Variants in PPFIBP1 observed in about 807,000 individuals in gnomAD.
PPFIBP1 encodes liprin-beta-1.
A neutral mutation model predicts 137.8 loss-of-function variants in PPFIBP1; 112 were observed. The observed-to-expected ratio is 0.81, with a 90% confidence interval of 0.70 to 0.95. The LOEUF (loss-of-function observed/expected upper bound fraction) is 0.95, where lower values mean the gene tolerates loss of function less well. Among genes scored for constraint, PPFIBP1 ranks in the 40% least tolerant of loss-of-function variants. The pLI is 0.00. For synonymous variants in PPFIBP1, 378 were observed against 417.3 expected (o/e 0.91, Z 1.15); for missense variants, 1,083 against 1,196.6 (o/e 0.91, Z 1.40).
At chr12:27,529,030 T>C (rs768361933) in intron 1 of PPFIBP1, among the ~76,000 whole-genome samples, 6 of 152,212 alleles carry the variant, frequency 3.9e-5, no homozygotes, top group Non-Finnish European at 7.3e-5. Flanking sequence ...GATCATGTAG[T>C]GGTTTTATGT....
chr12:27,572,121 T>C (rs1022159118), intron 1 of PPFIBP1, among the ~76,000 whole-genome samples: 16 of 152,218 alleles, frequency 1.1e-4, no homozygotes, highest in African/African-American at 3.9e-4. Flanking sequence ...TATATTGTTA[T>C]GTAATTTTTA....
intron 7 of PPFIBP1, chr12:27,654,481 C>T (rs909205713): frequency 8.7e-6 from 3 of 346,434 alleles, no homozygotes; most frequent in African/African-American, 2.1e-5. Flanking sequence ...TTATACTCAC[C>T]TTTTATTTTC....
At chr12:27,574,875 A>T (rs778532791) in intron 1 of PPFIBP1, among the ~76,000 whole-genome samples, 1 of 152,240 alleles carries the variant, frequency 6.6e-6, no homozygotes, top group Non-Finnish European at 1.5e-5. Flanking sequence ...TCAGAATTAA[A>T]TGAACAGATT....
At chr12:27,677,366 G>A (rs1045656470) in intron 19 of PPFIBP1, 2 of 530,248 alleles carry the variant, frequency 3.8e-6, no homozygotes, top group Non-Finnish European at 6.7e-6. Context: ...CCCTCAGAGT[G>A]CAGGGCAGGA....
chr12:27,658,616 G>T (rs76638131), intron 9 of PPFIBP1, among the ~76,000 whole-genome samples, 200 bp from the exon 10 acceptor site: 3,239 of 152,212 alleles, frequency 0.021, 118 homozygotes, highest in African/African-American at 0.074. Context: ...TCAAATTTAG[G>T]TCTTCTGTTC....
intron 2 of PPFIBP1, among the ~76,000 whole-genome samples, chr12:27,585,760 G>C (rs980180482): frequency 2.0e-5 from 3 of 152,152 alleles, no homozygotes; most frequent in African/African-American, 7.2e-5. Flanking sequence ...ATATAACCTG[G>C]GTCTTGAATG....
intron 5 of PPFIBP1, among the ~76,000 whole-genome samples, chr12:27,647,000 T>G (rs970872517): frequency 2.6e-5 from 4 of 152,016 alleles, no homozygotes; most frequent in African/African-American, 7.2e-5. Context: ...ATTCCCTGGG[T>G]TTTGTTTTTG....
At chr12:27,656,254 A>G (rs1373269330) in intron 8 of PPFIBP1, among the ~76,000 whole-genome samples, 54 of 152,258 alleles carry the variant, frequency 3.5e-4, no homozygotes. Flanking sequence ...TTTTGCTTTT[A>G]TGACACTAAG....
At chr12:27,675,984 T>C (rs2060484590) in intron 17 of PPFIBP1, among the ~76,000 whole-genome samples, 1 of 152,206 alleles carries the variant, frequency 6.6e-6, no homozygotes, top group Non-Finnish European at 1.5e-5. Flanking sequence ...ATAATTAATA[T>C]TATATTAGGC....
At chr12:27,686,501 C>T (rs1018104207) in intron 24 of PPFIBP1, among the ~76,000 whole-genome samples, 4 of 152,158 alleles carry the variant, frequency 2.6e-5, no homozygotes, top group African/African-American at 9.7e-5. Context: ...ATATGTGATA[C>T]TTATAACTTC....
At chr12:27,564,470 A>C (rs779575337) in intron 1 of PPFIBP1, among the ~76,000 whole-genome samples, 2 of 152,028 alleles carry the variant, frequency 1.3e-5, no homozygotes, top group East Asian at 3.9e-4. Flanking sequence ...CACTGTTGTC[A>C]TTGTTGTTGT....
At chr12:27,634,877 C>G (rs2057542246) in intron 3 of PPFIBP1, 33 bp from the exon 4 acceptor site, 1 of 1,569,902 alleles carries the variant, frequency 6.4e-7, no homozygotes, top group Non-Finnish European at 8.8e-7. Flanking sequence ...AACATAAATC[C>G]CATTGCTCTC....
At position 27,577,865 on chromosome 12, in the gene PPFIBP1, A is replaced by G. The variant is rs115470396; in HGVS notation, c.-123-287A>G. On this transcript the variant is annotated intron_variant, in intron 1 of 29. Transcript: ENST00000228425. ...ACTACTACTTTGTGCTATAAAAATT[A>G]ATGATGGTGGCTTCAGCAGAAAAAT... 2.7e-3 allele frequency among the ~76,000 whole-genome samples: 406 copies of G among 152,296 alleles called. 1 individual carries two copies. Among genetic ancestry groups the G allele is most frequent in the African/African-American group, 9.0e-3 (373 of 41,554 alleles).
intron 1 of PPFIBP1, among the ~76,000 whole-genome samples, chr12:27,567,961 G>T (rs1398247161): frequency 6.6e-6 from 1 of 152,122 alleles, no homozygotes; most frequent in Non-Finnish European, 1.5e-5. Context: ...CAAACTCCTG[G>T]GCTCAAGCAA....
intron 17 of PPFIBP1, among the ~76,000 whole-genome samples, chr12:27,674,976 CTG>C (rs1443303310): frequency 1.3e-5 from 1 of 76,680 alleles, no homozygotes; most frequent in East Asian, 4.0e-4. Context: ...CCATACTCGG[CTG>C]TTTTTTTTTT....
intron 10 of PPFIBP1, 115 bp downstream of exon 10, chr12:27,658,963 C>T (rs879010567): frequency 1.0e-6 from 1 of 973,278 alleles, no homozygotes; most frequent in East Asian, 2.4e-5. Context: ...GTTGCTTCAT[C>T]AATAAGCCCT....
At chr12:27,672,018 C>T (rs60733774) in intron 14 of PPFIBP1, among the ~76,000 whole-genome samples, 2 of 152,060 alleles carry the variant, frequency 1.3e-5, no homozygotes, top group African/African-American at 4.8e-5. Context: ...CTGAAGTGAG[C>T]CGAGATCACA....
rs1460744344 is a variant in PPFIBP1, at chr12:27,566,142, G to A, written c.-123-12010G>A. On this transcript the variant is annotated intron_variant, in intron 1 of 29. Coordinates refer to ENST00000228425, the MANE Select transcript of PPFIBP1 (RefSeq NM_003622.4). ...ACCATGTAGCCCAGTGGTAGGTATC[G>A]AATACATTTTTTAAATGATAACTTT... 4.6e-5 allele frequency among the ~76,000 whole-genome samples: 7 copies of A among 151,804 alleles called. No homozygotes were observed. In the South Asian group the frequency reaches 1.0e-3, roughly 23 times the overall value.
chr12:27,635,051 G>C lies in PPFIBP1; in HGVS notation c.206G>C (p.Gly69Ala). ...ATGATGGAAACAGATGAGAAAGAAG[G>C]CTTGAGATGCCAGATCCCAGATTCA... ...LEMMETDEKE[G>A]LRCQIPDSTA... The change falls in exon 4 of 30, where the codon GGC (glycine) becomes GCC (alanine). Residue 69 changes from glycine to alanine, a missense_variant. Physicochemically the swap from Gly to Ala is moderately conservative, Grantham distance 60. Transcript: ENST00000228425. The C allele has an allele frequency of 6.2e-7, 1 of 1,614,176 alleles. No individual in the cohort carries two copies. The highest frequency in any genetic ancestry group is 1.1e-5 in the South Asian group (1 of 91,088).
Sources: allele counts gnomAD v4.1 joint callset (sites outside exome capture counted in the v4.1 genomes callset), GRCh38; gene constraint gnomAD v4.1.1; transcripts MANE v1.5; gene names NCBI Gene and HGNC (gene_info 2026-07-23, HGNC 2026-07-21).